The following ZKSCAN4 variants were observed in gnomAD, a reference collection of about 807,000 sequenced individuals.
ZKSCAN4 encodes the protein zinc finger with KRAB and SCAN domains 4.
In ZKSCAN4, 23 loss-of-function variants were observed where a neutral mutation model predicts 30.8. The observed-to-expected ratio is 0.75, with a 90% CI of 0.54 to 1.06. The LOEUF is 1.06. Among genes scored for constraint, ZKSCAN4 ranks in the 50% least tolerant of loss-of-function variants. ZKSCAN4 has a pLI of 0.00. For missense variants in ZKSCAN4, 556 were observed against 665.4 expected (o/e 0.84, Z 1.81); for synonymous variants, 208 against 252.5 (o/e 0.82, Z 1.67).
Position 28,244,783 on chromosome 6 carries a change from A to G in ZKSCAN4, c.*333T>C. On this transcript the variant is annotated 3_prime_UTR_variant, in exon 5 of 5. Coordinates refer to ENST00000377294, the MANE Select transcript of ZKSCAN4 (RefSeq NM_019110.5). ...AATGGTCAGAGCAGCAGCCCCCCAC[A>G]TCAGAGCCATCCAACCAGATGTCCT... 2.6e-6 allele frequency: 1 copy of G among 381,506 alleles called. No homozygotes were observed. 23.6% of individuals were successfully genotyped at this position (381,506 alleles called of 1,614,324 possible).
intron 1 of ZKSCAN4, among the ~76,000 whole-genome samples, chr6:28,250,326 C>A (rs1561861433): frequency 1.3e-5 from 2 of 152,176 alleles, no homozygotes; most frequent in African/African-American, 2.4e-5. Context: ...ACCTCAGCCT[C>A]CCAAAGTGCT....
chr6:28,242,583 CAT>C lies in ZKSCAN4; in HGVS notation c.*2531_*2532del, dbSNP rs1760534730. 6.6e-6 allele frequency among the ~76,000 whole-genome samples: 1 copy of C among 152,204 alleles called. No individual in the cohort carries two copies. Among genetic ancestry groups the C allele is most frequent in the Non-Finnish European group, 1.5e-5 (1 of 68,024 alleles). On this transcript the variant is annotated 3_prime_UTR_variant, in exon 5 of 5. Transcript: ENST00000377294. The stretch of plus-strand genomic sequence containing the variant: ...GTTGTGAGTCCATTCAGCTTTCTAA[CAT>C]GTCACCCTGTCCATATAATAACAGC...
At position 28,245,954 on chromosome 6, in the gene ZKSCAN4, C is replaced by T. The variant is rs1396005810; in HGVS notation, c.800G>A (p.Ser267Asn). ...VSLGGEIQTK[S>N]RDLPPVKKLP... The stretch of plus-strand genomic sequence containing the variant: ...CTTCTTGACTGGAGGCAAGTCCCTG[C>T]TCTTAGTCTGTATTTCACCACCTGA... The change falls in exon 5 of 5, where the codon AGC becomes AAC. Residue 267 changes from serine (S) to asparagine (N), a missense_variant. Coordinates refer to ENST00000377294, the MANE Select transcript of ZKSCAN4 (RefSeq NM_019110.5). 11 of 1,614,196 alleles carry T rather than the reference C, an allele frequency of 6.8e-6. No individual in the cohort carries two copies. The highest frequency in any genetic ancestry group is 9.3e-6 in the Non-Finnish European group (11 of 1,180,030).
At position 28,249,640 on chromosome 6, in the gene ZKSCAN4, TTGGA is replaced by T. The variant is rs1195921868; in HGVS notation, c.571+43_571+46del. 6.3e-7 allele frequency: 1 copy of T among 1,582,514 alleles called. No homozygotes were observed. Among genetic ancestry groups the T allele is most frequent in the Non-Finnish European group, 8.6e-7 (1 of 1,163,516 alleles). ...TCTTTTAGGTGATCCTTAAATGAAA[TTGGA>T]TGAAGTCTATAGAATTCATACAACC... On this transcript the variant is annotated intron_variant, in intron 2 of 4. Transcript: ENST00000377294. This position sits in a 1 kb window ranked among gnomAD's most constrained non-coding sequence, Gnocchi z 4.1.
chr6:28,247,156 A>C (rs1401812066), intron 3 of ZKSCAN4, 64 bp from the exon 4 acceptor site: 1 of 1,505,698 alleles, frequency 6.6e-7, no homozygotes, highest in African/African-American at 1.4e-5. Flanking sequence ...GCAAAGAATG[A>C]ACATCCCCTT....
intron 2 of ZKSCAN4, among the ~76,000 whole-genome samples, chr6:28,248,997 G>A (rs1760874780): frequency 6.6e-6 from 1 of 152,140 alleles, no homozygotes; most frequent in Non-Finnish European, 1.5e-5. Flanking sequence ...TTTGCAAGGG[G>A]CAGAAAATAA....
rs887238744 is a variant in ZKSCAN4 at position 28,243,676 on chromosome 6, T to C, written c.*1440A>G. Among the ~76,000 whole-genome samples the C allele has an allele frequency of 9.2e-5, 14 of 151,668 alleles. No individual in the cohort carries two copies. The highest frequency in any genetic ancestry group is 3.3e-4 in the Admixed American group (5 of 15,244). ...CACATTTTCTTTTCTTTTTTTTTTT[T>C]CTTTTTGAGACAGAGTCTCACTCTG... On this transcript the variant is annotated 3_prime_UTR_variant, in exon 5 of 5. Coordinates refer to ENST00000377294, the MANE Select transcript of ZKSCAN4 (RefSeq NM_019110.5).
chr6:28,251,574 T>G lies in ZKSCAN4; in HGVS notation c.407A>C (p.Asp136Ala). Residue 136 changes from aspartate (D) to alanine (A), a missense_variant, in exon 1 of 5, where the codon GAT becomes GCT. This residue lies in a region of ZKSCAN4 where 433 missense variants were observed against 511.5 expected (regional missense o/e 0.85). Transcript: ENST00000377294. This position sits in a 1 kb window ranked among gnomAD's most constrained non-coding sequence, Gnocchi z 4.5. ...VLLEYLERQL[D>A]EPAPQVPVGD... is the part of the protein sequence containing the mutation. Reference sequence around the variant, plus strand: ...TCTTTCTACCTGCGGCGCCGGCTCATCCAGCTGCCTCTCCAAATACTCCAA... The same window carrying G: ...TCTTTCTACCTGCGGCGCCGGCTCAGCCAGCTGCCTCTCCAAATACTCCAA... The G allele has an allele frequency of 6.2e-7, 1 of 1,614,166 alleles. No individual in the cohort carries two copies. The highest frequency in any genetic ancestry group is 8.5e-7 in the Non-Finnish European group (1 of 1,180,030).
In ZKSCAN4 at chr6:28,249,964, G is replaced by A. The variant is rs2113685996; in HGVS notation, c.424-130C>T. Reference sequence around the variant, plus strand: ...CACAATTAATATAGATAACAACCCTGTGAGCTATTATTTTGGATTTTTATG... The same window carrying A: ...CACAATTAATATAGATAACAACCCTATGAGCTATTATTTTGGATTTTTATG... On this transcript the variant is annotated intron_variant, in intron 1 of 4. Coordinates refer to ENST00000377294, the MANE Select transcript of ZKSCAN4 (RefSeq NM_019110.5). This position sits in a 1 kb window ranked among gnomAD's most constrained non-coding sequence, Gnocchi z 4.1. 1 of 1,049,884 alleles carries A rather than the reference G, an allele frequency of 9.5e-7. No individual in the cohort carries two copies. The highest frequency in any genetic ancestry group is 1.4e-6 in the Non-Finnish European group (1 of 737,996). The allele number at this position is 1,049,884 out of a possible 1,614,324, so 65.0% of individuals were successfully genotyped here.
chr6:28,250,366 G>A (rs1290770988), intron 1 of ZKSCAN4, among the ~76,000 whole-genome samples: 1 of 152,194 alleles, frequency 6.6e-6, no homozygotes, highest in Non-Finnish European at 1.5e-5. Context: ...ACTGCACCCA[G>A]CCAAGGGTGG....
chr6:28,248,493 G>A (rs1760836814), intron 2 of ZKSCAN4, among the ~76,000 whole-genome samples: 1 of 152,106 alleles, frequency 6.6e-6, no homozygotes, highest in Admixed American at 6.5e-5. Flanking sequence ...TGGTTAAAAT[G>A]TCTTTAGTAG....
In ZKSCAN4 at chr6:28,242,738, C is replaced by A. The variant is rs1206950720; in HGVS notation, c.*2378G>T. ...CTTACCAACCTGACTGTACTAAAGA[C>A]CTAAGCCTAAGTGTGTATACACACA... On this transcript the variant is annotated 3_prime_UTR_variant, in exon 5 of 5. Coordinates refer to ENST00000377294, the MANE Select transcript of ZKSCAN4 (RefSeq NM_019110.5). Among the ~76,000 whole-genome samples the A allele has an allele frequency of 6.6e-6, 1 of 150,828 alleles. No individual in the cohort carries two copies. The highest frequency in any genetic ancestry group is 6.6e-5 in the Admixed American group (1 of 15,096).
chr6:28,246,098 G>T, intron 4 of ZKSCAN4, 123 bp from the exon 5 acceptor site: 1 of 1,332,362 alleles, frequency 7.5e-7, no homozygotes, highest in Non-Finnish European at 1.0e-6. Flanking sequence ...GGATTTAAGT[G>T]CTAGAATAAG....
In ZKSCAN4 at chr6:28,245,715, G is replaced by A. The variant is rs376942288; in HGVS notation, c.1039C>T (p.Pro347Ser). ...TTTCCACAGTCTTCACATTCATAGG[G>A]TTTCTCACCAGTGTGGATTCTCCTG... ...KHRRIHTGEK[P>S]YECEDCGKTF... The change falls in exon 5 of 5, where the codon CCC becomes TCC. Residue 347 changes from proline (P) to serine (S), a missense_variant. Pro to Ser is a moderately conservative substitution (Grantham distance 74). Transcript: ENST00000377294. 1.2e-6 allele frequency: 2 copies of A among 1,614,206 alleles called. No homozygotes were observed. Among genetic ancestry groups the A allele is most frequent in the Non-Finnish European group, 1.7e-6 (2 of 1,180,036 alleles).
chr6:28,254,308 A>T (rs1761118515), upstream of ZKSCAN4, among the ~76,000 whole-genome samples: 1 of 152,256 alleles, frequency 6.6e-6, no homozygotes, highest in Non-Finnish European at 1.5e-5. Context: ...AATTATATGC[A>T]AATTAAGCAC....
chr6:28,255,551 C>A (rs1349049393), upstream of ZKSCAN4, among the ~76,000 whole-genome samples: 2 of 152,062 alleles, frequency 1.3e-5, no homozygotes, highest in African/African-American at 4.8e-5. Flanking sequence ...CATGGCACAG[C>A]AAGCAAATGA....
At position 28,245,425 on chromosome 6, in the gene ZKSCAN4, C is replaced by T; in HGVS notation, c.1329G>A (p.Arg443=). Residue 443 remains arginine (R), a synonymous_variant, in exon 5 of 5, where the codon CGG becomes CGA. Coordinates refer to ENST00000377294, the MANE Select transcript of ZKSCAN4 (RefSeq NM_019110.5). The stretch of plus-strand genomic sequence containing the variant: ...TCTGATGTCTCAGGAGATGTGAATT[C>T]CGCCTAAAGGCTTTGCCACACATAT... The part of the protein sequence containing the change: ...QCNMCGKAFR[R]NSHLLRHQRI... The T allele has an allele frequency of 6.2e-7, 1 of 1,614,226 alleles. No individual in the cohort carries two copies. Among genetic ancestry groups the T allele is most frequent in the South Asian group, 1.1e-5 (1 of 91,082 alleles).
In ZKSCAN4 at chr6:28,245,112, T is replaced by C; in HGVS notation, c.*4A>G. The C allele has an allele frequency of 6.2e-7, 1 of 1,614,058 alleles. No homozygotes were observed. Among genetic ancestry groups the C allele is most frequent in the South Asian group, 1.1e-5 (1 of 91,056 alleles). On this transcript the variant is annotated 3_prime_UTR_variant, in exon 5 of 5. Coordinates refer to ENST00000377294, the MANE Select transcript of ZKSCAN4 (RefSeq NM_019110.5). ...AGCACCAATGTTGGCATGAATACCA[T>C]GGGTCACTGTGAAAGAGTTTTTTTC... is the stretch of plus-strand genomic sequence containing the variant.
rs1326429608 is a variant in ZKSCAN4, at chr6:28,244,614, GACA to G, written c.*499_*501del. On this transcript the variant is annotated 3_prime_UTR_variant, in exon 5 of 5. Transcript: ENST00000377294. ...AAGTTAGAAATTTCTCAGAAATATA[GACA>G]ACATCAAATTTTTGGTACAAAGGCC... The G allele has an allele frequency of 5.8e-6, 1 of 172,030 alleles. No individual in the cohort carries two copies. The highest frequency in any genetic ancestry group is 1.3e-5 in the Non-Finnish European group (1 of 77,754). 10.7% of individuals were successfully genotyped at this position (172,030 alleles called of 1,614,324 possible).
Sources: allele counts gnomAD v4.1 joint callset (sites outside exome capture counted in the v4.1 genomes callset), GRCh38; gene constraint gnomAD v4.1.1; regional missense constraint gnomAD v4.1.1; non-coding constraint Gnocchi (gnomAD v3.1); transcripts MANE v1.5; gene names NCBI Gene and HGNC (gene_info 2026-07-23, HGNC 2026-07-21).